The following FOXN2 variants were observed in gnomAD, a reference collection of about 807,000 sequenced individuals.
FOXN2 encodes forkhead box N2.
In FOXN2, 19 loss-of-function variants were observed where a neutral mutation model predicts 41.2. The ratio of observed to expected loss-of-function variants is 0.46; its 90% CI spans 0.32 to 0.68. FOXN2 has a LOEUF of 0.68. Among genes scored for constraint, FOXN2 ranks in the 30% least tolerant of loss-of-function variants. FOXN2 has a pLI of 0.03. For synonymous variants in FOXN2, 195 were observed against 176.8 expected, an observed-to-expected ratio of 1.10 and a Z score of -0.82; for missense variants, 587 against 509.4, an observed-to-expected ratio of 1.15 and a Z score of -1.47.
chr2:48,328,433 A>C (rs1458214416), intron 1 of FOXN2, 128 bp from the exon 2 acceptor site: 1 of 152,218 alleles, frequency 6.6e-6, no homozygotes, highest in Non-Finnish European at 1.5e-5. Context: ...ACCTAATACA[A>C]TGTAAATGCT....
intron 2 of FOXN2, among the ~76,000 whole-genome samples, chr2:48,335,801 G>A (rs1169587567): frequency 6.6e-6 from 1 of 151,912 alleles, no homozygotes; most frequent in Non-Finnish European, 1.5e-5. Context: ...GCTGAGGCAG[G>A]CGGATCATGA....
chr2:48,365,606 A>C (rs1363498948), intron 5 of FOXN2, among the ~76,000 whole-genome samples: 3 of 152,168 alleles, frequency 2.0e-5, no homozygotes, highest in Admixed American at 6.6e-5. Flanking sequence ...TTACTAGGGC[A>C]CAGGTACTTC....
chr2:48,324,226 G>C (rs529800373), intron 1 of FOXN2, among the ~76,000 whole-genome samples: 4 of 103,812 alleles, frequency 3.9e-5, no homozygotes, highest in East Asian at 2.9e-4. Flanking sequence ...ACAGAGTTTC[G>C]CTCTGTCTCC....
intron 4 of FOXN2, 133 bp downstream of exon 4, chr2:48,359,280 T>C: frequency 3.0e-6 from 2 of 660,078 alleles, no homozygotes; most frequent in Non-Finnish European, 5.0e-6. Context: ...ATTTAGTTTT[T>C]AGTTTTTAGT....
At chr2:48,338,112 G>A (rs1670486018) in intron 2 of FOXN2, among the ~76,000 whole-genome samples, 1 of 152,102 alleles carries the variant, frequency 6.6e-6, no homozygotes, top group Non-Finnish European at 1.5e-5. Flanking sequence ...CCTATACACT[G>A]TTATAATACC....
chr2:48,374,847 T>C (rs1572787800), intron 6 of FOXN2, 73 bp from the exon 7 acceptor site: 1 of 1,243,362 alleles, frequency 8.0e-7, no homozygotes, highest in Admixed American at 2.2e-5. Context: ...AAGAGTAATG[T>C]AGTAGTTTAA....
At chr2:48,355,276 T>G (rs1671716590) in intron 3 of FOXN2, among the ~76,000 whole-genome samples, 1 of 152,132 alleles carries the variant, frequency 6.6e-6, no homozygotes, top group South Asian at 2.1e-4. Context: ...AGGAAGAAAT[T>G]AAGGAAGTGA....
intron 2 of FOXN2, among the ~76,000 whole-genome samples, chr2:48,335,827 A>AC (rs1670305624): frequency 6.6e-6 from 1 of 151,272 alleles, no homozygotes; most frequent in Non-Finnish European, 1.5e-5. Flanking sequence ...GGAAATAGAG[A>AC]CCATCCTGGT....
At chr2:48,364,938 TGTA>T (rs1244700934) in intron 5 of FOXN2, among the ~76,000 whole-genome samples, 1 of 152,250 alleles carries the variant, frequency 6.6e-6, no homozygotes, top group Non-Finnish European at 1.5e-5. Flanking sequence ...ATATTTCTCC[TGTA>T]GGTTATTTAA....
intron 3 of FOXN2, among the ~76,000 whole-genome samples, chr2:48,357,964 G>A (rs1010900542): frequency 1.3e-5 from 2 of 151,248 alleles, no homozygotes; most frequent in Non-Finnish European, 2.9e-5. Context: ...TGATAATCCA[G>A]TGCATTTCTT....
intron 2 of FOXN2, among the ~76,000 whole-genome samples, chr2:48,338,308 A>T (rs973921313): frequency 6.6e-6 from 1 of 152,206 alleles, no homozygotes; most frequent in African/African-American, 2.4e-5. Context: ...GAAATGGCCC[A>T]GATAAAAGGC....
chr2:48,374,003 C>T (rs996734250), intron 6 of FOXN2, among the ~76,000 whole-genome samples: 4 of 149,330 alleles, frequency 2.7e-5, no homozygotes, highest in African/African-American at 7.6e-5. Flanking sequence ...TGCAGTGAGC[C>T]ATGAGCACTG....
At chr2:48,314,409 TC>T (rs1668745572), upstream of FOXN2, among the ~76,000 whole-genome samples, 2 of 152,202 alleles carry the variant, frequency 1.3e-5, no homozygotes, top group Non-Finnish European at 1.5e-5. Context: ...CACCCTGCTT[TC>T]CGTGTGAGCC....
intron 2 of FOXN2, among the ~76,000 whole-genome samples, chr2:48,332,207 T>C (rs1442335121): frequency 6.6e-6 from 1 of 152,194 alleles, no homozygotes; most frequent in Non-Finnish European, 1.5e-5. Context: ...AAACTCATGA[T>C]TATTTCAGAG....
intron 2 of FOXN2, among the ~76,000 whole-genome samples, chr2:48,338,501 A>G (rs1029599159): frequency 2.0e-5 from 3 of 151,842 alleles, no homozygotes; most frequent in African/African-American, 7.3e-5. Context: ...TCCTGGGTTC[A>G]CGCCATTCTC....
At chr2:48,353,108 T>C (rs534734784) in intron 3 of FOXN2, among the ~76,000 whole-genome samples, 2 of 152,330 alleles carry the variant, frequency 1.3e-5, no homozygotes, top group African/African-American at 4.8e-5. Context: ...GCCTCATTTT[T>C]ACTTCAGTTT....
chr2:48,370,752 G>C (rs924670751), intron 5 of FOXN2, among the ~76,000 whole-genome samples: 1 of 152,032 alleles, frequency 6.6e-6, no homozygotes, highest in Non-Finnish European at 1.5e-5. Flanking sequence ...TCATTCTGTA[G>C]GTTGTCATTT....
intron 4 of FOXN2, among the ~76,000 whole-genome samples, chr2:48,360,872 G>A (rs1164529903): frequency 6.6e-6 from 1 of 150,996 alleles, no homozygotes; most frequent in Admixed American, 6.6e-5. Flanking sequence ...AATTAGCTGG[G>A]CATGGGTAGT....
intron 2 of FOXN2, among the ~76,000 whole-genome samples, chr2:48,329,645 T>A (rs2104206878): frequency 6.6e-6 from 1 of 152,324 alleles, no homozygotes; most frequent in South Asian, 2.1e-4. Flanking sequence ...TTCTCCTGGA[T>A]ACATGACATC....
Sources: gnomAD v4.1 joint callset for allele counts (sites outside exome capture counted in the v4.1 genomes callset) on GRCh38, gnomAD v4.1.1 for gene constraint, MANE v1.5 for transcripts, NCBI Gene and HGNC (gene_info 2026-07-23, HGNC 2026-07-21) for gene names.